The following ST6GAL1 variants were observed in gnomAD, a reference collection of about 807,000 sequenced individuals.
ST6GAL1 encodes beta-galactoside alpha-2,6-sialyltransferase 1.
A neutral mutation model predicts 38.0 loss-of-function variants in ST6GAL1; 20 were observed. That is an observed-to-expected ratio of 0.53 (90% CI 0.37 to 0.77). The LOEUF (loss-of-function observed/expected upper bound fraction) is 0.77. Among genes scored for constraint, ST6GAL1 ranks in the 30% least tolerant of loss-of-function variants. The pLI is 0.00. For missense variants in ST6GAL1, 432 were observed against 496.4 expected (o/e 0.87, Z 1.23); for synonymous variants, 196 against 188.2 (o/e 1.04, Z -0.34).
At chr3:186,969,574 A>G (rs1432574112) in intron 2 of ST6GAL1, among the ~76,000 whole-genome samples, 1 of 152,232 alleles carries the variant, frequency 6.6e-6, no homozygotes, top group Admixed American at 6.5e-5. Flanking sequence ...TCTACAGATA[A>G]GTCCTTTATT....
intron 2 of ST6GAL1, among the ~76,000 whole-genome samples, chr3:187,016,506 G>C (rs1717119085): frequency 6.6e-6 from 1 of 152,188 alleles, no homozygotes; most frequent in Non-Finnish European, 1.5e-5. Flanking sequence ...ATCTGGGGCT[G>C]CCTTTGGGGA....
chr3:186,997,373 C>G (rs1314327424), intron 2 of ST6GAL1, among the ~76,000 whole-genome samples: 1 of 152,142 alleles, frequency 6.6e-6, no homozygotes, highest in African/African-American at 2.4e-5. Flanking sequence ...GGAGCCCAGT[C>G]TTCTAAGCCT....
chr3:186,970,322 C>A (rs569798700), intron 2 of ST6GAL1, among the ~76,000 whole-genome samples: 24 of 150,720 alleles, frequency 1.6e-4, no homozygotes, highest in Middle Eastern at 6.8e-3. Flanking sequence ...TCAAGCAGTT[C>A]TCCTGCCTCA....
At chr3:187,063,618 T>C (rs1001019058) in intron 5 of ST6GAL1, among the ~76,000 whole-genome samples, 1 of 152,228 alleles carries the variant, frequency 6.6e-6, no homozygotes, top group Admixed American at 6.5e-5. Context: ...GAGCCCTCCC[T>C]GAGCACTCTC....
intron 2 of ST6GAL1, among the ~76,000 whole-genome samples, chr3:187,027,884 G>C (rs2108570372): frequency 6.6e-6 from 1 of 152,346 alleles, no homozygotes; most frequent in South Asian, 2.1e-4. Flanking sequence ...CGGTAAGGCA[G>C]AGAAAAGCCA....
At chr3:187,045,054 T>C (rs1397222765) in intron 4 of ST6GAL1, among the ~76,000 whole-genome samples, 1 of 152,220 alleles carries the variant, frequency 6.6e-6, no homozygotes, top group Non-Finnish European at 1.5e-5. Context: ...AGGCCCTTTG[T>C]TGAAGCCCGA....
At chr3:187,023,084 T>G (rs1218854593) in intron 2 of ST6GAL1, among the ~76,000 whole-genome samples, 1 of 152,120 alleles carries the variant, frequency 6.6e-6, no homozygotes, top group Non-Finnish European at 1.5e-5. Context: ...GGGAATTCAG[T>G]TTTTCAGGTT....
chr3:187,025,454 A>G (rs1717503813), intron 2 of ST6GAL1: 1 of 152,232 alleles, frequency 6.6e-6, no homozygotes, highest in Non-Finnish European at 1.5e-5. Context: ...CACTCTCTAT[A>G]TAGGCCCTTC....
At chr3:187,071,860 G>A (rs1442778403) in intron 5 of ST6GAL1, 2 of 151,744 alleles carry the variant, frequency 1.3e-5, no homozygotes, top group Admixed American at 6.6e-5. Context: ...AAAGTTAGTG[G>A]CAAAGCCAAG....
intron 2 of ST6GAL1, among the ~76,000 whole-genome samples, chr3:187,004,577 T>TA (rs1284921066): frequency 6.6e-5 from 10 of 152,178 alleles, no homozygotes; most frequent in African/African-American, 2.4e-4. Flanking sequence ...CAATATGTAA[T>TA]ACACTAGAGT....
intron 5 of ST6GAL1, 57 bp from the exon 6 acceptor site, chr3:187,072,792 A>G (rs759698562): frequency 2.7e-6 from 4 of 1,469,384 alleles, no homozygotes; most frequent in Non-Finnish European, 3.8e-6. Context: ...CTATTACTTC[A>G]TGTCAAACAT....
intron 2 of ST6GAL1, among the ~76,000 whole-genome samples, chr3:186,978,906 C>A (rs547665180): frequency 2.6e-4 from 39 of 151,876 alleles, no homozygotes; most frequent in African/African-American, 8.9e-4. Flanking sequence ...GCATGCCTTG[C>A]TCTGCTTGGT....
At chr3:186,992,467 T>TC (rs1290153281) in intron 2 of ST6GAL1, among the ~76,000 whole-genome samples, 3 of 152,008 alleles carry the variant, frequency 2.0e-5, no homozygotes, top group Non-Finnish European at 2.9e-5. Flanking sequence ...AATGGACTAA[T>TC]ACAATCATGA....
intron 5 of ST6GAL1, among the ~76,000 whole-genome samples, chr3:187,071,010 G>C (rs1719350777): frequency 6.6e-6 from 1 of 152,182 alleles, no homozygotes; most frequent in South Asian, 2.1e-4. Context: ...TATGGGCATG[G>C]GGATAGCTCA....
intron 2 of ST6GAL1, among the ~76,000 whole-genome samples, chr3:187,000,876 T>C (rs1293977220): frequency 1.3e-5 from 2 of 152,204 alleles, no homozygotes; most frequent in Non-Finnish European, 2.9e-5. Context: ...ATCACCAGCA[T>C]TGGGTGTGAA....
At chr3:186,934,127 G>C (rs1273576237) in intron 1 of ST6GAL1, among the ~76,000 whole-genome samples, 1 of 152,190 alleles carries the variant, frequency 6.6e-6, no homozygotes, top group Non-Finnish European at 1.5e-5. Context: ...TTCCTTCTTT[G>C]TACAGTGAGG....
Position 186,980,406 on chromosome 3 carries a change from A to T in ST6GAL1, c.-183+16480A>T, listed in dbSNP as rs1383098480. ...TATAATATAAATGAATTGAAAGGACAGCTTATTGTGAAAGAATATACGTCT... is the reference window on the plus strand; with the variant it reads ...TATAATATAAATGAATTGAAAGGACTGCTTATTGTGAAAGAATATACGTCT... On this transcript the variant is annotated intron_variant, in intron 2 of 7. Transcript: ENST00000169298. Among the ~76,000 whole-genome samples, 3 of 152,156 alleles carry T rather than the reference A, an allele frequency of 2.0e-5. 1 individual carries two copies. In the South Asian group the frequency reaches 6.2e-4, roughly 31 times the overall value.
intron 4 of ST6GAL1, among the ~76,000 whole-genome samples, chr3:187,048,765 T>A (rs1718397614): frequency 6.6e-6 from 1 of 152,162 alleles, no homozygotes; most frequent in Non-Finnish European, 1.5e-5. Context: ...TCCTTTCTTA[T>A]GGTCAACATC....
intron 2 of ST6GAL1, among the ~76,000 whole-genome samples, chr3:186,984,829 C>CCTCCCTTCCTTCCTTCCTTCCT (rs1715846753): frequency 2.2e-5 from 1 of 45,618 alleles, no homozygotes; most frequent in African/African-American, 8.3e-5. Context: ...CCTTCCTTCC[C>CCTCCCTTCCTTCCTTCCTTCCT]TCCCTCCCTC....
Sources: gnomAD v4.1 joint callset for allele counts (sites outside exome capture counted in the v4.1 genomes callset) on GRCh38, gnomAD v4.1.1 for gene constraint, MANE v1.5 for transcripts, NCBI Gene and HGNC (gene_info 2026-07-23, HGNC 2026-07-21) for gene names.